The following ARHGAP10 variants were observed in gnomAD, a reference collection of about 807,000 sequenced individuals.
The protein encoded by ARHGAP10 is Rho GTPase activating protein 10.
Under a neutral mutation model 108.6 loss-of-function variants are expected in ARHGAP10, and 87 were observed. The ratio of observed to expected loss-of-function variants is 0.80; its 90% CI spans 0.67 to 0.96. ARHGAP10 has a LOEUF of 0.96. Among genes scored for constraint, ARHGAP10 ranks in the 40% least tolerant of loss-of-function variants. The probability of loss-of-function intolerance (pLI) is 0.00; values close to 1 mark genes in which losing one functional copy is unlikely to be tolerated. For missense variants in ARHGAP10, 939 were observed against 954.5 expected (o/e 0.98, Z 0.21); for synonymous variants, 347 against 341.1 (o/e 1.02, Z -0.19).
At chr4:148,022,164 T>G (rs185906470) in intron 18 of ARHGAP10, among the ~76,000 whole-genome samples, 195 of 152,334 alleles carry the variant, frequency 1.3e-3, no homozygotes, top group Middle Eastern at 3.4e-3. Flanking sequence ...TTTTAAATTA[T>G]ACATGTGCAG....
intron 10 of ARHGAP10, among the ~76,000 whole-genome samples, chr4:147,883,002 A>G (rs1232399277): frequency 6.6e-6 from 1 of 152,254 alleles, no homozygotes; most frequent in Non-Finnish European, 1.5e-5. Context: ...GTCAGAACCC[A>G]GGAATACAAA....
chr4:147,838,474 A>T (rs201506757), intron 3 of ARHGAP10, among the ~76,000 whole-genome samples: 1 of 4,598 alleles, frequency 2.2e-4, no homozygotes, highest in African/African-American at 2.4e-4. Context: ...CTTGTCTCTT[A>T]AAAAAAAAAC....
At chr4:147,798,729 CTCTCTCTCTCTCTCTCT>C (rs1731421775) in intron 1 of ARHGAP10, among the ~76,000 whole-genome samples, 6 of 11,266 alleles carry the variant, frequency 5.3e-4, no homozygotes, top group Non-Finnish European at 1.1e-3. Flanking sequence ...GAGACACTCT[CTCTCTCTCTCTCTCTCT>C]CTCTCTCTCT....
chr4:148,030,950 T>C (rs991079677), intron 19 of ARHGAP10, among the ~76,000 whole-genome samples: 1 of 151,938 alleles, frequency 6.6e-6, no homozygotes, highest in Non-Finnish European at 1.5e-5. Flanking sequence ...TCCCAGCATG[T>C]TGGGTGGCCG....
intron 1 of ARHGAP10, among the ~76,000 whole-genome samples, chr4:147,799,061 G>C (rs770633949): frequency 6.6e-6 from 1 of 150,926 alleles, no homozygotes; most frequent in Non-Finnish European, 1.5e-5. Flanking sequence ...TCGAGATGGA[G>C]TCTCACTCTG....
intron 3 of ARHGAP10, among the ~76,000 whole-genome samples, chr4:147,835,530 T>C (rs562474112): frequency 6.6e-6 from 1 of 151,954 alleles, no homozygotes; most frequent in African/African-American, 2.4e-5. Context: ...TGTGCCACCA[T>C]GCCTGGCTAA....
intron 13 of ARHGAP10, among the ~76,000 whole-genome samples, chr4:147,931,128 G>A (rs557726357): frequency 4.6e-5 from 7 of 152,302 alleles, no homozygotes; most frequent in African/African-American, 1.7e-4. Context: ...GATGTGAGTA[G>A]TGCTCTATGA....
intron 10 of ARHGAP10, among the ~76,000 whole-genome samples, chr4:147,891,877 TC>T (rs2126886570): frequency 6.6e-6 from 1 of 152,088 alleles, no homozygotes; most frequent in South Asian, 2.1e-4. Context: ...ATATCACCCT[TC>T]CCCCGCCCCA....
intron 8 of ARHGAP10, among the ~76,000 whole-genome samples, chr4:147,875,546 C>T (rs932448814): frequency 1.4e-4 from 22 of 152,324 alleles, no homozygotes; most frequent in African/African-American, 5.1e-4. Flanking sequence ...CAGGCACACA[C>T]ATTCATTCAT....
intron 10 of ARHGAP10, among the ~76,000 whole-genome samples, chr4:147,892,872 A>G (rs1735840565): frequency 6.6e-6 from 1 of 152,132 alleles, no homozygotes; most frequent in Non-Finnish European, 1.5e-5. Flanking sequence ...GAGGGCAGGG[A>G]GTTGCTACAG....
chr4:148,006,731 A>G (rs769778141), intron 18 of ARHGAP10, among the ~76,000 whole-genome samples: 4 of 152,258 alleles, frequency 2.6e-5, no homozygotes, highest in Non-Finnish European at 5.9e-5. Flanking sequence ...TGTTATCTGC[A>G]TCTTTTCATG....
chr4:147,945,817 C>T (rs1461792711), intron 14 of ARHGAP10, among the ~76,000 whole-genome samples: 4 of 152,056 alleles, frequency 2.6e-5, no homozygotes, highest in African/African-American at 7.3e-5. Flanking sequence ...ATTAGACATG[C>T]GGACACAGTG....
chr4:147,782,765 T>C (rs2126731854), intron 1 of ARHGAP10: 1 of 151,234 alleles, frequency 6.6e-6, no homozygotes, highest in African/African-American at 2.4e-5. Context: ...TTTATGTGTG[T>C]AAAGACTTCC....
At chr4:147,789,418 T>G (rs1342136804) in intron 1 of ARHGAP10, among the ~76,000 whole-genome samples, 2 of 152,206 alleles carry the variant, frequency 1.3e-5, no homozygotes, top group African/African-American at 4.8e-5. Flanking sequence ...GCCTCCTGGG[T>G]AGCTCGTATT....
At chr4:147,936,220 G>C (rs1737926926) in intron 13 of ARHGAP10, among the ~76,000 whole-genome samples, 1 of 151,634 alleles carries the variant, frequency 6.6e-6, no homozygotes, top group Non-Finnish European at 1.5e-5. Flanking sequence ...CTTTTTTCCT[G>C]TATCGGGCTC....
chr4:147,982,770 A>C (rs1359891850), intron 18 of ARHGAP10, among the ~76,000 whole-genome samples: 4 of 151,986 alleles, frequency 2.6e-5, no homozygotes, highest in Non-Finnish European at 5.9e-5. Context: ...TTTATCCCCA[A>C]ATATGTTTTC....
At chr4:147,960,618 G>A (rs1403219234) in intron 16 of ARHGAP10, among the ~76,000 whole-genome samples, 3 of 152,146 alleles carry the variant, frequency 2.0e-5, no homozygotes, top group Admixed American at 2.0e-4. Context: ...AGCTTTAAGT[G>A]AACTTTTTGT....
At chr4:147,904,547 A>T (rs1177021219) in intron 10 of ARHGAP10, among the ~76,000 whole-genome samples, 2 of 152,158 alleles carry the variant, frequency 1.3e-5, no homozygotes, top group Non-Finnish European at 2.9e-5. Context: ...CCATGTCCCT[A>T]CAAGGACATG....
chr4:148,055,739 C>T (rs1208316131), intron 20 of ARHGAP10, among the ~76,000 whole-genome samples: 1 of 152,180 alleles, frequency 6.6e-6, no homozygotes, highest in African/African-American at 2.4e-5. Flanking sequence ...CAAGTTACTG[C>T]TTTTACGTGC....
Sources: gnomAD v4.1 joint callset for allele counts (sites outside exome capture counted in the v4.1 genomes callset) on GRCh38, gnomAD v4.1.1 for gene constraint, MANE v1.5 for transcripts, NCBI Gene and HGNC (gene_info 2026-07-23, HGNC 2026-07-21) for gene names.